The following PIK3R1 variants were observed in gnomAD, a reference collection of about 807,000 sequenced individuals.
PIK3R1 encodes phosphatidylinositol 3-kinase regulatory subunit alpha.
Under a neutral mutation model 98.0 loss-of-function variants are expected in PIK3R1, and 29 were observed. The observed-to-expected ratio is 0.30, with a 90% CI of 0.22 to 0.40. PIK3R1 has a LOEUF of 0.40. PIK3R1 is among the 10% of genes least tolerant of loss of function. The probability of loss-of-function intolerance (pLI) is 1.00; values close to 1 mark genes in which losing one functional copy is unlikely to be tolerated. For missense variants in PIK3R1, 596 were observed against 872.7 expected (o/e 0.68, Z 3.99); for synonymous variants, 282 against 311.8 (o/e 0.90, Z 1.01).
At chr5:68,296,862 G>C (rs1747743201) in intron 15 of PIK3R1, among the ~76,000 whole-genome samples, 2 of 152,132 alleles carry the variant, frequency 1.3e-5, no homozygotes, top group South Asian at 4.1e-4. Context: ...GGTTCTAAAA[G>C]TATGTTACAC....
chr5:68,262,403 T>TATATATATATATATATATATATATACAC (rs33968242), intron 2 of PIK3R1, among the ~76,000 whole-genome samples: 104 of 140,460 alleles, frequency 7.4e-4, no homozygotes, highest in Non-Finnish European at 8.2e-4. Flanking sequence ...TATATATATA[T>TATATATATATATATATATATATATACAC]ACACACACGC....
chr5:68,245,198 A>G (rs902014821), intron 2 of PIK3R1, among the ~76,000 whole-genome samples: 1 of 152,272 alleles, frequency 6.6e-6, no homozygotes, highest in Admixed American at 6.5e-5. Flanking sequence ...CTTGAACTAC[A>G]TAAGTATATC....
At chr5:68,279,505 T>C in intron 4 of PIK3R1, 97 bp from the exon 5 acceptor site, 1 of 865,904 alleles carries the variant, frequency 1.2e-6, no homozygotes, top group Non-Finnish European at 1.7e-6. Context: ...ATTTTTTTTT[T>C]TTTTTGTCAC....
intron 7 of PIK3R1, chr5:68,290,506 GCTT>G (rs1359038315): frequency 2.3e-6 from 1 of 437,212 alleles, no homozygotes; most frequent in Admixed American, 4.3e-5. Context: ...ATTAAATGTA[GCTT>G]CTTAGTGAGG....
intron 2 of PIK3R1, among the ~76,000 whole-genome samples, chr5:68,250,675 C>G (rs1168882110): frequency 6.6e-6 from 1 of 152,142 alleles, no homozygotes; most frequent in African/African-American, 2.4e-5. Flanking sequence ...AAAATGTGTT[C>G]TGGATTTCGC....
intron 8 of PIK3R1, 73 bp from the exon 9 acceptor site, chr5:68,293,028 A>G (rs1250532372): frequency 1.6e-6 from 2 of 1,247,096 alleles, no homozygotes; most frequent in African/African-American, 3.0e-5. Flanking sequence ...TCTAAAAAAT[A>G]GCCTATTTTA....
chr5:68,297,678 C>A lies in PIK3R1; in HGVS notation c.*77C>A. 8.4e-7 allele frequency: 1 copy of A among 1,195,436 alleles called. No individual in the cohort carries two copies. The highest frequency in any genetic ancestry group is 1.2e-6 in the Non-Finnish European group (1 of 831,018). 74.1% of individuals were successfully genotyped at this position (1,195,436 alleles called of 1,614,324 possible). ...GGAAAGCAAAGGGCTCCTCTCCAGTCTGATCTGTGAATTGAGCTGCAGAAA... is the reference window on the plus strand; with the variant it reads ...GGAAAGCAAAGGGCTCCTCTCCAGTATGATCTGTGAATTGAGCTGCAGAAA... On this transcript the variant is annotated 3_prime_UTR_variant, in exon 16 of 16. Coordinates refer to ENST00000521381, the MANE Select transcript of PIK3R1 (RefSeq NM_181523.3).
Position 68,297,768 on chromosome 5 carries a change from T to C in PIK3R1, c.*167T>C, listed in dbSNP as rs961285330. On this transcript the variant is annotated 3_prime_UTR_variant, in exon 16 of 16. Transcript: ENST00000521381. Reference sequence around the variant, plus strand: ...CACAAAAAAGAAGTAGGGGAAGACATGCAGCCTAAGGCTGTATGATGACCA... The same window carrying C: ...CACAAAAAAGAAGTAGGGGAAGACACGCAGCCTAAGGCTGTATGATGACCA... 3.3e-6 allele frequency: 2 copies of C among 608,738 alleles called. No individual in the cohort carries two copies. The highest frequency in any genetic ancestry group is 3.7e-5 in the African/African-American group (2 of 54,126). 37.7% of individuals were successfully genotyped at this position (608,738 alleles called of 1,614,324 possible). A position where few individuals can be genotyped will look rare whatever the true frequency, so the allele number is the denominator to read the frequency against.
Position 68,298,616 on chromosome 5 carries a change from C to T in PIK3R1, c.*1015C>T, listed in dbSNP as rs1022153685. The T allele has an allele frequency of 2.1e-4, 48 of 231,712 alleles. No individual in the cohort carries two copies. The highest frequency in any genetic ancestry group is 1.0e-3 in the African/African-American group (46 of 45,016). The allele number at this position is 231,712 out of a possible 1,614,324, so 14.4% of individuals were successfully genotyped here. A position where few individuals can be genotyped will look rare whatever the true frequency, so the allele number is the denominator to read the frequency against. On this transcript the variant is annotated 3_prime_UTR_variant, in exon 16 of 16. Coordinates refer to ENST00000521381, the MANE Select transcript of PIK3R1 (RefSeq NM_181523.3). The stretch of plus-strand genomic sequence containing the variant: ...AGAATTAAAACTATGAAATATTTTA[C>T]AGTTTTTCTTGTACAGAGTACTTGG...
At chr5:68,278,755 C>T (rs1561287838) in intron 4 of PIK3R1, among the ~76,000 whole-genome samples, 2 of 152,032 alleles carry the variant, frequency 1.3e-5, no homozygotes, top group South Asian at 4.2e-4. Context: ...GCCTGACCAA[C>T]ATGATGAAAC....
In PIK3R1 at chr5:68,299,700, A is replaced by T; in HGVS notation, c.*2099A>T. ...AGTACTAGGGTGAGGGTTTTCTGTTACTTTGTTTTTTAATGTTGTTCCTTT... is the reference window on the plus strand; with the variant it reads ...AGTACTAGGGTGAGGGTTTTCTGTTTCTTTGTTTTTTAATGTTGTTCCTTT... On this transcript the variant is annotated 3_prime_UTR_variant, in exon 16 of 16. Transcript: ENST00000521381. 4.3e-6 allele frequency: 1 copy of T among 233,140 alleles called. No homozygotes were observed. Among genetic ancestry groups the T allele is most frequent in the East Asian group, 6.0e-5 (1 of 16,550 alleles). 14.4% of individuals were successfully genotyped at this position (233,140 alleles called of 1,614,324 possible). A position where few individuals can be genotyped will look rare whatever the true frequency, so the allele number is the denominator to read the frequency against.
chr5:68,293,945 G>A (rs1302645440), intron 11 of PIK3R1, 111 bp downstream of exon 11: 4 of 826,626 alleles, frequency 4.8e-6, no homozygotes, highest in Non-Finnish European at 7.6e-6. Context: ...GTGGGGGTGA[G>A]AGCATTTATT....
chr5:68,268,838 C>T (rs990699317), intron 2 of PIK3R1, among the ~76,000 whole-genome samples: 1 of 152,194 alleles, frequency 6.6e-6, no homozygotes, highest in African/African-American at 2.4e-5. Flanking sequence ...ACGGTGTTGG[C>T]ATCACTTAAT....
At chr5:68,233,536 A>G (rs1744556854) in intron 2 of PIK3R1, among the ~76,000 whole-genome samples, 1 of 152,254 alleles carries the variant, frequency 6.6e-6, no homozygotes, top group African/African-American at 2.4e-5. Context: ...TAAAATGTCA[A>G]GTTGTTTAAC....
chr5:68,262,812 C>T (rs1426019033), intron 2 of PIK3R1, among the ~76,000 whole-genome samples: 1 of 59,798 alleles, frequency 1.7e-5, no homozygotes, highest in Non-Finnish European at 3.3e-5. Flanking sequence ...TACATGTATA[C>T]ATGTAGATAC....
intron 1 of PIK3R1, among the ~76,000 whole-genome samples, chr5:68,225,442 T>C (rs933247794): frequency 4.6e-5 from 7 of 152,202 alleles, no homozygotes; most frequent in African/African-American, 7.2e-5. Flanking sequence ...TCTCTTTGCC[T>C]GATAGTGCTC....
chr5:68,231,469 T>C (rs1744472873), intron 2 of PIK3R1, among the ~76,000 whole-genome samples: 1 of 152,262 alleles, frequency 6.6e-6, no homozygotes, highest in African/African-American at 2.4e-5. Context: ...GTGTTGGTTT[T>C]CATGGTTTCC....
At chr5:68,232,198 C>T (rs917547561) in intron 2 of PIK3R1, among the ~76,000 whole-genome samples, 1 of 152,196 alleles carries the variant, frequency 6.6e-6, no homozygotes, top group Non-Finnish European at 1.5e-5. Flanking sequence ...TATTAAATTA[C>T]TTATTGCAAC....
intron 4 of PIK3R1, 73 bp downstream of exon 4, chr5:68,274,086 C>T (rs1746474855): frequency 3.6e-6 from 4 of 1,115,718 alleles, no homozygotes; most frequent in Non-Finnish European, 5.5e-6. Context: ...AATGCACACA[C>T]ACAAAATTGA....
Sources: gnomAD v4.1 joint callset for allele counts (sites outside exome capture counted in the v4.1 genomes callset) on GRCh38, gnomAD v4.1.1 for gene constraint, MANE v1.5 for transcripts, NCBI Gene and HGNC (gene_info 2026-07-23, HGNC 2026-07-21) for gene names.